Variants in BRWD3 observed in about 807,000 individuals in gnomAD.
The protein encoded by BRWD3 is bromodomain and WD repeat domain containing 3.
A neutral mutation model predicts 149.7 loss-of-function variants in BRWD3; 10 were observed. The observed-to-expected ratio is 0.07, with a 90% CI of 0.04 to 0.11. The LOEUF is 0.11. Among genes scored for constraint, BRWD3 ranks in the 10% least tolerant of loss-of-function variants. The pLI, the probability that BRWD3 is intolerant of heterozygous loss-of-function variation, is 1.00. For missense variants in BRWD3, 940 were observed against 1,373.2 expected (o/e 0.68, Z 4.99); for synonymous variants, 504 against 456.7 (o/e 1.10, Z -1.32).
chrX:80,768,375 G>A (rs1048256252), intron 6 of BRWD3, among the ~76,000 whole-genome samples: 11 of 111,643 alleles, frequency 9.9e-5, no homozygotes, highest in African/African-American at 1.6e-4. Context: ...GATTAACAGC[G>A]GATCTCTCAG....
intron 4 of BRWD3, among the ~76,000 whole-genome samples, chrX:80,797,313 T>C (rs1311194295): frequency 9.0e-6 from 1 of 111,686 alleles, no homozygotes; most frequent in Non-Finnish European, 1.9e-5. Context: ...CATAGAGTAG[T>C]AGTTGACATT....
chrX:80,754,428 G>A (rs1006167211), intron 6 of BRWD3, among the ~76,000 whole-genome samples: 1 of 111,635 alleles, frequency 9.0e-6, no homozygotes, highest in African/African-American at 3.3e-5. Context: ...GAATTTTCTA[G>A]GTATAAGACC....
At chrX:80,765,308 T>C in intron 6 of BRWD3, among the ~76,000 whole-genome samples, 1 of 111,994 alleles carries the variant, frequency 8.9e-6, no homozygotes, top group Admixed American at 9.5e-5. Flanking sequence ...GAAACAGGAC[T>C]GCTACTCCAC....
Position 80,739,740 on chromosome X carries a change from C to A in BRWD3, c.814-3652G>T, listed in dbSNP as rs190226049. Among the ~76,000 whole-genome samples the A allele has an allele frequency of 5.0e-3, 563 of 111,632 alleles. 4 individuals are homozygous for A. Among genetic ancestry groups the A allele is most frequent in the African/African-American group, 0.018 (545 of 30,776 alleles). Reference sequence around the variant, plus strand: ...TTTCCTATGCCTACACACCTATAAGCTTAATTTATAAATTAGGCACAGTAG... The same window carrying A: ...TTTCCTATGCCTACACACCTATAAGATTAATTTATAAATTAGGCACAGTAG... On this transcript the variant is annotated intron_variant, in intron 8 of 40. Coordinates refer to ENST00000373275, the MANE Select transcript of BRWD3 (RefSeq NM_153252.5).
At chrX:80,752,064 A>G (rs184428407) in intron 6 of BRWD3, among the ~76,000 whole-genome samples, 287 of 105,878 alleles carry the variant, frequency 2.7e-3, no homozygotes, top group Middle Eastern at 9.9e-3. Flanking sequence ...CCAGGCTGGA[A>G]TGCAGTGGCA....
intron 17 of BRWD3, among the ~76,000 whole-genome samples, 188 bp downstream of exon 17, chrX:80,722,374 T>G (rs927101854): frequency 4.5e-5 from 5 of 111,444 alleles, no homozygotes; most frequent in Non-Finnish European, 9.4e-5. Context: ...CTTATCTGTG[T>G]CCAGGTGAGA....
chrX:80,728,843 T>C lies in BRWD3; in HGVS notation c.1295A>G (p.Asp432Gly). 8.3e-7 allele frequency: 1 copy of C among 1,208,786 alleles called. No homozygotes were observed. Among genetic ancestry groups the C allele is most frequent in the African/African-American group, 1.7e-5 (1 of 57,790 alleles). The change falls in exon 14 of 41, where the codon GAT becomes GGT. Residue 432 changes from aspartate (D) to glycine (G), a missense_variant. Coordinates refer to ENST00000373275, the MANE Select transcript of BRWD3 (RefSeq NM_153252.5). ...TKLKVTMVAWDRYDTTVITAV... is the reference protein window; with the variant it reads ...TKLKVTMVAWGRYDTTVITAV... ...AGTAATAACTGTGGTATCATAGCGA[T>C]CCCAGGCCACCATAGTCACCTTAAG...
chrX:80,721,562 G>C (rs1168067561), intron 17 of BRWD3, among the ~76,000 whole-genome samples: 1 of 111,772 alleles, frequency 8.9e-6, no homozygotes, highest in East Asian at 2.8e-4. Context: ...CAACCTACAA[G>C]TACCAAAGTA....
chrX:80,674,608 A>G lies in BRWD3; in HGVS notation c.*2001T>C, dbSNP rs1454002542. On this transcript the variant is annotated 3_prime_UTR_variant, in exon 41 of 41. Transcript: ENST00000373275. ...TTTAGCAAAAATCAAATGTAGTTTC[A>G]AATAGGAACGTTTTGAATCTCTACT... is the stretch of plus-strand genomic sequence containing the variant. The G allele has an allele frequency of 8.9e-6, 1 of 111,855 alleles. No homozygotes were observed. 9.2% of individuals were successfully genotyped at this position (111,855 alleles called of 1,213,427 possible).
intron 21 of BRWD3, among the ~76,000 whole-genome samples, chrX:80,708,533 G>C (rs772763988): frequency 9.4e-6 from 1 of 106,220 alleles, no homozygotes; most frequent in African/African-American, 3.4e-5. Context: ...ACTGTGAATG[G>C]GGCCAGGTGC....
chrX:80,722,887 C>G, intron 16 of BRWD3, 100 bp from the exon 17 acceptor site: 1 of 709,460 alleles, frequency 1.4e-6, no homozygotes, highest in African/African-American at 2.1e-5. Context: ...ATCAGAGAAT[C>G]TTTTGCATAC....
At chrX:80,689,587 C>A (rs2072583776) in intron 33 of BRWD3, among the ~76,000 whole-genome samples, 181 bp downstream of exon 33, 1 of 111,341 alleles carries the variant, frequency 9.0e-6, no homozygotes, top group East Asian at 2.8e-4. Flanking sequence ...TGAATAAACC[C>A]TGTAGCTCTA....
intron 11 of BRWD3, among the ~76,000 whole-genome samples, chrX:80,733,842 TTAA>T (rs1351266396): frequency 4.5e-5 from 5 of 111,744 alleles, no homozygotes; most frequent in African/African-American, 1.6e-4. Flanking sequence ...CATAATTTTA[TTAA>T]TGTTTGAAAA....
At chrX:80,727,094 A>G (rs1384164273) in intron 14 of BRWD3, among the ~76,000 whole-genome samples, 2 of 109,503 alleles carry the variant, frequency 1.8e-5, no homozygotes, top group Non-Finnish European at 3.8e-5. Flanking sequence ...TCTAGTCAGA[A>G]TCAGTAATGT....
At chrX:80,687,054 G>A (rs1410507654) in intron 34 of BRWD3, 51 bp from the exon 35 acceptor site, 1 of 1,112,568 alleles carries the variant, frequency 9.0e-7, no homozygotes, top group Admixed American at 2.3e-5. Flanking sequence ...TAACTCAGTT[G>A]ATTTTCTCAT....
chrX:80,699,841 C>T (rs1212490925), intron 25 of BRWD3, 116 bp downstream of exon 25: 1 of 530,932 alleles, frequency 1.9e-6, no homozygotes, highest in African/African-American at 2.3e-5. Flanking sequence ...ATCATCTTAT[C>T]TTGGATACAC....
chrX:80,744,865 G>A (rs974784884), intron 7 of BRWD3, among the ~76,000 whole-genome samples: 1 of 111,528 alleles, frequency 9.0e-6, no homozygotes, highest in Non-Finnish European at 1.9e-5. Context: ...CGCATTTAGA[G>A]CCATTAAGTC....
In BRWD3 at chrX:80,704,827, A is replaced by T; in HGVS notation, c.2572T>A (p.Ser858Thr). Residue 858 changes from serine to threonine, a missense_variant, in exon 23 of 41, where the codon TCT (serine) becomes ACT (threonine). This residue lies in a region of BRWD3 where 158 missense variants were observed against 284.0 expected (regional missense o/e 0.56). Transcript: ENST00000373275. ...SSSSDSSSEY[S>T]DWTADAGINL... is the part of the protein sequence containing the mutation. ...ATTCCAGCATCTGCTGTCCAATCAG[A>T]ATATTCACTTGATGAGTCACTGTAA... The T allele has an allele frequency of 8.3e-7, 1 of 1,210,174 alleles. No homozygotes were observed. The highest frequency in any genetic ancestry group is 1.1e-6 in the Non-Finnish European group (1 of 894,061).
chrX:80,674,083 A>G lies in BRWD3; in HGVS notation c.*2526T>C, dbSNP rs1184532308. The G allele has an allele frequency of 9.0e-6, 1 of 111,704 alleles. No individual in the cohort carries two copies. Among genetic ancestry groups the G allele is most frequent in the Non-Finnish European group, 1.9e-5 (1 of 52,953 alleles). The allele number at this position is 111,704 out of a possible 1,213,427, so 9.2% of individuals were successfully genotyped here. ...TTAAAATAATTTGCATGCAAACAGA[A>G]AATTATCTGTTTGTTTAATAAATGA... On this transcript the variant is annotated 3_prime_UTR_variant, in exon 41 of 41. Transcript: ENST00000373275.
Sources: gnomAD v4.1 joint callset for allele counts (sites outside exome capture counted in the v4.1 genomes callset) on GRCh38, gnomAD v4.1.1 for gene constraint, gnomAD v4.1.1 regional missense constraint, MANE v1.5 for transcripts, NCBI Gene and HGNC (gene_info 2026-07-23, HGNC 2026-07-21) for gene names.